TPM1: variants seen among roughly 807,000 people sequenced by gnomAD.
The protein encoded by TPM1 is tropomyosin 1.
TPM1 carries 24 observed loss-of-function variants against 42.9 expected under a neutral mutation model. The ratio of observed to expected loss-of-function variants is 0.56; its 90% CI spans 0.41 to 0.79. The LOEUF (loss-of-function observed/expected upper bound fraction) is 0.79. Among genes scored for constraint, TPM1 ranks in the 30% least tolerant of loss-of-function variants. TPM1 has a pLI of 0.00. For synonymous variants in TPM1, 136 were observed against 130.1 expected (o/e 1.05, Z -0.31); for missense variants, 158 against 351.8 (o/e 0.45, Z 4.41).
intron 2 of TPM1, chr15:63,045,126 G>C (rs1445919299): frequency 2.0e-5 from 3 of 152,040 alleles, no homozygotes; most frequent in Non-Finnish European, 4.4e-5. Flanking sequence ...TGAGCACCAG[G>C]GAAAGCTATG....
intron 1 of TPM1, 143 bp from the exon 2 acceptor site, chr15:63,043,884 T>TTC: frequency 1.9e-6 from 3 of 1,550,874 alleles, no homozygotes; most frequent in Non-Finnish European, 2.6e-6. Flanking sequence ...CTCTTTCTCT[T>TTC]TCTCTCTCTC....
chr15:63,053,211 G>A (rs1466644274), intron 2 of TPM1, among the ~76,000 whole-genome samples: 1 of 152,208 alleles, frequency 6.6e-6, no homozygotes, highest in African/African-American at 2.4e-5. Flanking sequence ...CAAAAAGATT[G>A]TGATAATCAC....
Position 63,042,818 on chromosome 15 carries a change from G to T in TPM1, c.-12G>T. ...TCCTGCTGCAGCCCCAGGGCCCCTC[G>T]CCGCCGCCACCATGGACGCCATCAA... is the stretch of plus-strand genomic sequence containing the variant. On this transcript the variant is annotated 5_prime_UTR_variant, in exon 1 of 10. Coordinates refer to ENST00000403994, the MANE Select transcript of TPM1 (RefSeq NM_001018005.2). 1 of 1,609,990 alleles carries T rather than the reference G, an allele frequency of 6.2e-7. No homozygotes were observed. The highest frequency in any genetic ancestry group is 8.5e-7 in the Non-Finnish European group (1 of 1,177,010).
chr15:63,070,634 A>C, downstream of TPM1: 9 of 1,003,176 alleles, frequency 9.0e-6, no homozygotes, highest in Non-Finnish European at 1.1e-5. Context: ...AAGTTCTCAG[A>C]AAACCTATTT....
intron 8 of TPM1, chr15:63,062,863 A>G: frequency 6.6e-7 from 1 of 1,520,602 alleles, no homozygotes. Flanking sequence ...ATAGTGGCAA[A>G]TGCCATCCAG....
chr15:63,064,624 A>G (rs2036067038), intron 9 of TPM1: 1 of 1,011,094 alleles, frequency 9.9e-7, no homozygotes, highest in Non-Finnish European at 1.2e-6. Context: ...ATGATCCAAT[A>G]CAGCTTTAAC....
intron 3 of TPM1, among the ~76,000 whole-genome samples, chr15:63,058,943 A>AT: frequency 6.6e-6 from 1 of 152,362 alleles, no homozygotes. Context: ...CATTGCTGTC[A>AT]TGAAAGGGTT....
chr15:63,070,161 GAATACTTATATC>G, downstream of TPM1: 1 of 1,385,122 alleles, frequency 7.2e-7, no homozygotes, highest in Non-Finnish European at 9.4e-7. Flanking sequence ...TTTTATGGTA[GAATACTTATATC>G]AATTCAGCAC....
At chr15:63,057,299 T>G (rs568341760) in intron 3 of TPM1, among the ~76,000 whole-genome samples, 181 bp downstream of exon 3, 2 of 152,334 alleles carry the variant, frequency 1.3e-5, no homozygotes, top group South Asian at 4.1e-4. Context: ...AAACACCTAC[T>G]ATGTCCAAAG....
At chr15:63,059,836 G>C in intron 4 of TPM1, 156 bp downstream of exon 4, 1 of 556,788 alleles carries the variant, frequency 1.8e-6, no homozygotes, top group East Asian at 4.1e-5. Flanking sequence ...TCCAGAAAAC[G>C]GTTCTAATTT....
chr15:63,056,708 G>C, intron 2 of TPM1: 1 of 438,092 alleles, frequency 2.3e-6, no homozygotes, highest in Non-Finnish European at 4.2e-6. Flanking sequence ...ACGGAAGAAA[G>C]GAACCATGTG....
At chr15:63,066,658 C>T (rs1259671522), downstream of TPM1, among the ~76,000 whole-genome samples, 1 of 152,160 alleles carries the variant, frequency 6.6e-6, no homozygotes, top group African/African-American at 2.4e-5. Flanking sequence ...TGTCGATCAT[C>T]CTTTTATAGC....
intron 2 of TPM1, chr15:63,047,894 G>A (rs1407223014): frequency 1.3e-5 from 3 of 227,930 alleles, no homozygotes; most frequent in South Asian, 4.8e-5. Flanking sequence ...CACGCAGCAG[G>A]AAACTAGGAG....
intron 2 of TPM1, among the ~76,000 whole-genome samples, chr15:63,050,908 C>T (rs1394303384): frequency 9.9e-5 from 15 of 152,200 alleles, no homozygotes; most frequent in Non-Finnish European, 1.8e-4. Flanking sequence ...AAATATTTGA[C>T]CAGAGAGTTG....
At chr15:63,043,169 A>T (rs1056330263) in intron 1 of TPM1, 1 of 570,096 alleles carries the variant, frequency 1.8e-6, no homozygotes, top group Non-Finnish European at 3.1e-6. Flanking sequence ...TCTGGTTCCC[A>T]TGGCCCGCGA....
At chr15:63,059,537 G>GT in intron 3 of TPM1, 26 bp from the exon 4 acceptor site, 1 of 1,589,316 alleles carries the variant, frequency 6.3e-7, no homozygotes, top group Non-Finnish European at 8.6e-7. Flanking sequence ...TAAATCTTGG[G>GT]TTTTCTTGCT....
At chr15:63,071,591 C>T (rs1445517481) in exon 9 of TPM1, 1 of 257,590 alleles carries the variant, frequency 3.9e-6, no homozygotes, top group African/African-American at 2.2e-5. Flanking sequence ...CAATGTAGAA[C>T]TCTGTCCAAC....
At chr15:63,052,515 T>C (rs2034092142) in intron 2 of TPM1, among the ~76,000 whole-genome samples, 1 of 131,640 alleles carries the variant, frequency 7.6e-6, no homozygotes, top group South Asian at 2.8e-4. Context: ...AGAGCTAGAC[T>C]CCATCTCAAA....
In TPM1 at chr15:63,065,948, C is replaced by G; in HGVS notation, c.*49C>G. Reference sequence around the variant, plus strand: ...AGACTCCCTCGTCGAGCTGGATGTCCCACCTCTCTGAGCTCTGCATTTGTC... The same window carrying G: ...AGACTCCCTCGTCGAGCTGGATGTCGCACCTCTCTGAGCTCTGCATTTGTC... On this transcript the variant is annotated 3_prime_UTR_variant, in exon 10 of 10. Transcript: ENST00000403994. The G allele has an allele frequency of 1.2e-6, 2 of 1,605,202 alleles. No homozygotes were observed. Among genetic ancestry groups the G allele is most frequent in the South Asian group, 2.2e-5 (2 of 89,456 alleles).
Sources: gnomAD v4.1 joint callset for allele counts (sites outside exome capture counted in the v4.1 genomes callset) on GRCh38, gnomAD v4.1.1 for gene constraint, MANE v1.5 for transcripts, NCBI Gene and HGNC (gene_info 2026-07-23, HGNC 2026-07-21) for gene names.